ZNF69: variants seen among roughly 807,000 people sequenced by gnomAD.
The protein encoded by ZNF69 is ZNF3.
A neutral mutation model predicts 50.9 loss-of-function variants in ZNF69; 47 were observed. The observed-to-expected ratio is 0.92, with a 90% CI of 0.73 to 1.18. The LOEUF (loss-of-function observed/expected upper bound fraction) is 1.18, where lower values mean the gene tolerates loss of function less well. Among genes scored for constraint, ZNF69 ranks in the 50% most tolerant of loss-of-function variants. The pLI, the probability that ZNF69 is intolerant of heterozygous loss-of-function variation, is 0.00. For synonymous variants in ZNF69, 216 were observed against 223.1 expected (o/e 0.97, Z 0.29); for missense variants, 717 against 675.1 (o/e 1.06, Z -0.69).
intron 1 of ZNF69, among the ~76,000 whole-genome samples, chr19:11,895,887 C>T (rs1231330359): frequency 6.6e-6 from 1 of 152,176 alleles, no homozygotes; most frequent in African/African-American, 2.4e-5. Flanking sequence ...GTATCATTGG[C>T]TGGCAATACC....
the ZNF69 span, chr19:11,948,956 G>A: frequency 1.2e-6 from 2 of 1,608,348 alleles, no homozygotes; most frequent in Non-Finnish European, 1.7e-6. Flanking sequence ...TGCAAAGAAT[G>A]TGGAAAAGCA....
At chr19:11,932,820 G>T in the ZNF69 span, among the ~76,000 whole-genome samples, 6 of 147,354 alleles carry the variant, frequency 4.1e-5, 1 homozygote, top group Admixed American at 4.0e-4. Context: ...TGTATTTTTA[G>T]TAGAGACGGG....
the ZNF69 span, among the ~76,000 whole-genome samples, chr19:11,954,348 T>A: frequency 6.6e-6 from 1 of 152,080 alleles, no homozygotes; most frequent in Non-Finnish European, 1.5e-5. Context: ...TCAGAGAGAA[T>A]AGGTGGGAAA....
At chr19:11,924,574 TGA>T in the ZNF69 span, among the ~76,000 whole-genome samples, 2 of 152,128 alleles carry the variant, frequency 1.3e-5, no homozygotes, top group African/African-American at 2.4e-5. Context: ...CAAAACCTGG[TGA>T]GAGTTTCCTG....
chr19:11,911,235 C>T (rs1568282940), downstream of ZNF69, among the ~76,000 whole-genome samples: 1 of 152,204 alleles, frequency 6.6e-6, no homozygotes. Flanking sequence ...GGACTGTAAA[C>T]TAGTTCAACC....
At chr19:11,955,901 C>T in the ZNF69 span, among the ~76,000 whole-genome samples, 1 of 151,976 alleles carries the variant, frequency 6.6e-6, no homozygotes, top group Non-Finnish European at 1.5e-5. Context: ...TTATGGAAAT[C>T]ATAATGAAGT....
At chr19:11,971,274 G>A in the ZNF69 span, among the ~76,000 whole-genome samples, 1 of 152,172 alleles carries the variant, frequency 6.6e-6, no homozygotes, top group Non-Finnish European at 1.5e-5. Context: ...TGACAGAAAA[G>A]AGAGGAAGCT....
chr19:11,896,419 T>C (rs62113966), intron 1 of ZNF69, among the ~76,000 whole-genome samples: 2,258 of 152,048 alleles, frequency 0.015, 30 homozygotes, highest in Non-Finnish European at 0.025. Context: ...ACTGGGTGAC[T>C]TAAGGGATAA....
At chr19:11,942,806 G>A in the ZNF69 span, among the ~76,000 whole-genome samples, 21 of 152,254 alleles carry the variant, frequency 1.4e-4, no homozygotes, top group East Asian at 3.5e-3. Flanking sequence ...GTGTGGCACC[G>A]GGCTGTCTGA....
At chr19:11,971,853 C>CA in the ZNF69 span, among the ~76,000 whole-genome samples, 3 of 152,102 alleles carry the variant, frequency 2.0e-5, no homozygotes, top group African/African-American at 7.2e-5. Flanking sequence ...AGCCTCAGTT[C>CA]AGGAGTTTGA....
intron 1 of ZNF69, among the ~76,000 whole-genome samples, chr19:11,889,702 C>T (rs1021419682): frequency 2.0e-5 from 3 of 152,148 alleles, no homozygotes; most frequent in African/African-American, 4.8e-5. Context: ...GACACAGAGA[C>T]GAAGTATAGG....
At chr19:11,891,045 C>T (rs1218816740) in intron 1 of ZNF69, among the ~76,000 whole-genome samples, 1 of 152,058 alleles carries the variant, frequency 6.6e-6, no homozygotes, top group African/African-American at 2.4e-5. Context: ...GAAAAGAGGT[C>T]CTGATCAGAC....
At chr19:11,924,707 C>T in the ZNF69 span, among the ~76,000 whole-genome samples, 2 of 152,146 alleles carry the variant, frequency 1.3e-5, no homozygotes, top group South Asian at 2.1e-4. Context: ...TGCCTCTCCT[C>T]CTGGTGCAGT....
the ZNF69 span, among the ~76,000 whole-genome samples, chr19:11,938,471 G>C: frequency 6.6e-6 from 1 of 152,124 alleles, no homozygotes; most frequent in Non-Finnish European, 1.5e-5. Context: ...ACCTATGAGT[G>C]AGAATATGCG....
the ZNF69 span, among the ~76,000 whole-genome samples, chr19:11,932,905 G>A: frequency 1.3e-5 from 2 of 148,330 alleles, no homozygotes; most frequent in Admixed American, 6.6e-5. Flanking sequence ...CCAAAGTGCT[G>A]GGATTACAGG....
chr19:11,923,248 G>A, the ZNF69 span, among the ~76,000 whole-genome samples: 1 of 152,252 alleles, frequency 6.6e-6, no homozygotes, highest in Non-Finnish European at 1.5e-5. Context: ...TTTCCATAAG[G>A]AAGCAAGCTT....
the ZNF69 span, chr19:11,965,101 G>A: frequency 3.4e-6 from 5 of 1,485,948 alleles, no homozygotes; most frequent in South Asian, 5.7e-5. Context: ...ATCCCCGAGA[G>A]GGACCTGGTA....
intron 1 of ZNF69, among the ~76,000 whole-genome samples, chr19:11,895,690 C>T (rs973577118): frequency 2.0e-5 from 3 of 151,950 alleles, no homozygotes; most frequent in South Asian, 4.1e-4. Flanking sequence ...AGTTTTTTTC[C>T]GTTATGAGAA....
At chr19:11,963,668 A>G in the ZNF69 span, among the ~76,000 whole-genome samples, 1 of 152,054 alleles carries the variant, frequency 6.6e-6, no homozygotes, top group Non-Finnish European at 1.5e-5. Context: ...GGCCCACACC[A>G]GCTGCCACAG....
Sources: allele counts gnomAD v4.1 joint callset (sites outside exome capture counted in the v4.1 genomes callset), GRCh38; gene constraint gnomAD v4.1.1; transcripts MANE v1.5; gene names NCBI Gene and HGNC (gene_info 2026-07-23, HGNC 2026-07-21).